Variants in ZFHX3 observed in about 807,000 individuals in gnomAD.
The protein encoded by ZFHX3 is zinc finger homeobox 3.
ZFHX3 carries 42 observed loss-of-function variants against 279.1 expected under a neutral mutation model. The observed-to-expected ratio is 0.15, with a 90% CI of 0.12 to 0.19. The LOEUF is 0.19. Among genes scored for constraint, ZFHX3 ranks in the 10% least tolerant of loss-of-function variants. ZFHX3 has a pLI of 1.00. For missense variants in ZFHX3, 4,981 were observed against 4,754.0 expected (o/e 1.05, Z -1.40); for synonymous variants, 2,293 against 1,957.8 (o/e 1.17, Z -4.52).
At chr16:73,351,124 A>G (rs1169571066) in intron 3 of ZFHX3, among the ~76,000 whole-genome samples, 8 of 152,212 alleles carry the variant, frequency 5.3e-5, no homozygotes, top group Admixed American at 5.2e-4. Flanking sequence ...TCTCAGACAG[A>G]TAGAAACAGA....
At chr16:72,970,228 A>G (rs1033846111) in intron 1 of ZFHX3, among the ~76,000 whole-genome samples, 1 of 151,850 alleles carries the variant, frequency 6.6e-6, no homozygotes, top group Non-Finnish European at 1.5e-5. Flanking sequence ...TTTTTTTACT[A>G]TATATGTAAA....
intron 4 of ZFHX3, among the ~76,000 whole-genome samples, chr16:72,885,736 G>A (rs1266562325): frequency 1.3e-5 from 2 of 152,160 alleles, no homozygotes; most frequent in East Asian, 3.8e-4. Flanking sequence ...AATATTCTGT[G>A]GCATGTGGAC....
At chr16:73,007,423 T>C (rs77538383) in intron 1 of ZFHX3, among the ~76,000 whole-genome samples, 167 of 152,338 alleles carry the variant, frequency 1.1e-3, no homozygotes, top group African/African-American at 3.9e-3. Flanking sequence ...ACTTCTTGCA[T>C]CCAGAGCCCT....
intron 6 of ZFHX3, among the ~76,000 whole-genome samples, chr16:73,138,332 G>A (rs1966828848): frequency 6.6e-6 from 1 of 152,088 alleles, no homozygotes. Context: ...TTTGGGCCCT[G>A]TATAGAGAAA....
chr16:73,646,014 T>C (rs958128410), intron 2 of ZFHX3, among the ~76,000 whole-genome samples: 1 of 152,092 alleles, frequency 6.6e-6, no homozygotes, highest in Non-Finnish European at 1.5e-5. Flanking sequence ...AGTCTGAAAA[T>C]CGATATAGCC....
At chr16:73,637,817 T>TA (rs1324902900) in intron 2 of ZFHX3, among the ~76,000 whole-genome samples, 4 of 152,076 alleles carry the variant, frequency 2.6e-5, no homozygotes. Flanking sequence ...ACAAAGTACT[T>TA]AAAAACAGTA....
intron 2 of ZFHX3, chr16:73,608,892 T>A (rs557960933): frequency 6.6e-6 from 1 of 152,336 alleles, no homozygotes; most frequent in African/African-American, 2.4e-5. Flanking sequence ...TGAACATACA[T>A]ACCACTGAGT....
At chr16:73,830,298 A>T (rs1960957358) in intron 1 of ZFHX3, among the ~76,000 whole-genome samples, 1 of 145,550 alleles carries the variant, frequency 6.9e-6, no homozygotes. Flanking sequence ...GCCTGCGCCC[A>T]CTGTCTGGCA....
intron 3 of ZFHX3, among the ~76,000 whole-genome samples, chr16:72,908,293 C>T (rs1375061517): frequency 6.6e-6 from 1 of 152,196 alleles, no homozygotes; most frequent in African/African-American, 2.4e-5. Flanking sequence ...TGACGCTGAG[C>T]TTTCTCTTCC....
intron 5 of ZFHX3, among the ~76,000 whole-genome samples, chr16:73,240,064 T>C (rs2013074475): frequency 6.6e-6 from 1 of 152,012 alleles, no homozygotes; most frequent in Non-Finnish European, 1.5e-5. Context: ...TATCTATACA[T>C]ATAGTTACTT....
chr16:73,216,932 G>C (rs1303381875), intron 5 of ZFHX3, among the ~76,000 whole-genome samples: 1 of 152,150 alleles, frequency 6.6e-6, no homozygotes, highest in African/African-American at 2.4e-5. Flanking sequence ...TATCCCTGAA[G>C]GTCGTAAAGA....
intron 1 of ZFHX3, among the ~76,000 whole-genome samples, chr16:73,737,972 G>A (rs1424280593): frequency 6.6e-6 from 1 of 152,154 alleles, no homozygotes; most frequent in Non-Finnish European, 1.5e-5. Flanking sequence ...GGTTTGGTGG[G>A]GGAGGAGGTC....
chr16:73,041,124 C>G (rs921484360), intron 1 of ZFHX3, among the ~76,000 whole-genome samples: 2 of 152,228 alleles, frequency 1.3e-5, no homozygotes, highest in Non-Finnish European at 2.9e-5. Context: ...CAGCCAGACC[C>G]TGCCCTGTTT....
exon 3 of ZFHX3, chr16:73,456,244 T>C (rs1486565759): frequency 6.6e-6 from 1 of 152,200 alleles, no homozygotes; most frequent in Admixed American, 6.5e-5. Context: ...TACTTGTTCC[T>C]TGTTCTCCAA....
intron 1 of ZFHX3, among the ~76,000 whole-genome samples, chr16:73,040,654 C>T (rs1018966052): frequency 6.6e-6 from 1 of 152,170 alleles, no homozygotes; most frequent in Non-Finnish European, 1.5e-5. Context: ...CTATTTCCAC[C>T]CCATGGGGAA....
At chr16:73,088,999 T>A (rs901018764) in intron 8 of ZFHX3, among the ~76,000 whole-genome samples, 2 of 152,188 alleles carry the variant, frequency 1.3e-5, no homozygotes, top group African/African-American at 4.8e-5. Context: ...GGCCTCTGCA[T>A]TTGAACTTAA....
At chr16:73,518,229 G>A (rs551506932) in intron 2 of ZFHX3, among the ~76,000 whole-genome samples, 35 of 152,234 alleles carry the variant, frequency 2.3e-4, no homozygotes, top group Non-Finnish European at 4.3e-4. Flanking sequence ...TGAGATCATC[G>A]CCTTCTTTCG....
At chr16:73,438,779 T>C (rs189837852) in intron 3 of ZFHX3, among the ~76,000 whole-genome samples, 81 of 152,352 alleles carry the variant, frequency 5.3e-4, no homozygotes, top group Admixed American at 4.8e-3. Flanking sequence ...AATTTGAGAA[T>C]AAAATGTGTG....
At chr16:73,473,366 AAAAAAAC>A (rs2018708908) in intron 2 of ZFHX3, among the ~76,000 whole-genome samples, 65 of 11,094 alleles carry the variant, frequency 5.9e-3, no homozygotes, top group African/African-American at 0.013. Flanking sequence ...AACAAAAAAA[AAAAAAAC>A]AAAATAATAA....
Sources: allele counts gnomAD v4.1 joint callset (sites outside exome capture counted in the v4.1 genomes callset), GRCh38; gene constraint gnomAD v4.1.1; transcripts MANE v1.5; gene names NCBI Gene and HGNC (gene_info 2026-07-23, HGNC 2026-07-21).